Variants in PTPRN2 observed in about 807,000 individuals in gnomAD.
The protein encoded by PTPRN2 is receptor-type tyrosine-protein phosphatase N2.
Under a neutral mutation model 118.8 loss-of-function variants are expected in PTPRN2, and 74 were observed. The observed-to-expected ratio is 0.62, with a 90% CI of 0.52 to 0.76. The LOEUF (loss-of-function observed/expected upper bound fraction) is 0.76. Ranked by LOEUF, PTPRN2 falls within the 30% of genes least tolerant of loss-of-function variation. The pLI, the probability that PTPRN2 is intolerant of heterozygous loss-of-function variation, is 0.00. For synonymous variants in PTPRN2, 641 were observed against 608.0 expected (o/e 1.05, Z -0.80); for missense variants, 1,481 against 1,394.4 (o/e 1.06, Z -0.99).
At chr7:158,033,880 T>G (rs1807886905) in intron 11 of PTPRN2, among the ~76,000 whole-genome samples, 1 of 141,910 alleles carries the variant, frequency 7.0e-6, no homozygotes, top group Non-Finnish European at 1.5e-5. Flanking sequence ...TCTGTGTGGC[T>G]GCACACTGAG....
intron 11 of PTPRN2, among the ~76,000 whole-genome samples, chr7:157,995,344 C>T (rs116501053): frequency 4.1e-4 from 61 of 149,364 alleles, no homozygotes; most frequent in African/African-American, 1.4e-3. Context: ...CCCCAGCTTA[C>T]AGCTCCTTGT....
intron 11 of PTPRN2, among the ~76,000 whole-genome samples, chr7:158,040,186 A>G (rs1808350902): frequency 6.6e-6 from 1 of 152,206 alleles, no homozygotes; most frequent in African/African-American, 2.4e-5. Context: ...AGAAAAGGGA[A>G]CAGAAGAAAT....
chr7:158,434,800 T>C (rs997204988), intron 2 of PTPRN2, among the ~76,000 whole-genome samples: 2 of 152,208 alleles, frequency 1.3e-5, no homozygotes, highest in Non-Finnish European at 2.9e-5. Flanking sequence ...TTAGCTATTC[T>C]TTTTGTGGCT....
chr7:157,748,372 CT>C (rs1342755879), intron 12 of PTPRN2, among the ~76,000 whole-genome samples: 1 of 139,120 alleles, frequency 7.2e-6, no homozygotes, highest in Non-Finnish European at 1.5e-5. Flanking sequence ...GAGCTGTGAG[CT>C]GCCTGGGTGA....
chr7:158,179,357 T>C (rs1824499158), intron 5 of PTPRN2, among the ~76,000 whole-genome samples: 1 of 152,228 alleles, frequency 6.6e-6, no homozygotes, highest in Non-Finnish European at 1.5e-5. Context: ...GGGATTTTTT[T>C]TTCTTGCTAA....
At chr7:158,292,251 T>A (rs1586148659) in intron 3 of PTPRN2, among the ~76,000 whole-genome samples, 1 of 152,326 alleles carries the variant, frequency 6.6e-6, no homozygotes, top group Non-Finnish European at 1.5e-5. Flanking sequence ...TTGTCTGAAA[T>A]GAAGCTTCTA....
chr7:158,138,474 G>A lies in PTPRN2; in HGVS notation c.952C>T (p.Pro318Ser), dbSNP rs1819053782. The A allele has an allele frequency of 3.1e-6, 5 of 1,612,920 alleles. No homozygotes were observed. The highest frequency in any genetic ancestry group is 2.2e-5 in the South Asian group (2 of 91,090). Residue 318 changes from proline (P) to serine (S), a missense_variant, in exon 7 of 23, where the codon CCG (proline) becomes TCG (serine). Pro to Ser is a moderately conservative substitution (Grantham distance 74). Around this residue, in one of 3 missense-constraint regions of PTPRN2, gnomAD observed 1,115 missense variants for 994.2 expected, o/e 1.12. Transcript: ENST00000389418. ...CCACTCAGGCCCCTCACCTCAGCCG[G>A]CTGCCTCTGCAGGTCCTTCAGGAGG... ...HTLLKDLQRQ[P>S]AEVRGLSGLE...
intron 12 of PTPRN2, among the ~76,000 whole-genome samples, chr7:157,750,762 G>C (rs117481898): frequency 3.1e-3 from 466 of 152,334 alleles, no homozygotes; most frequent in Non-Finnish European, 5.4e-3. Context: ...TAAATGTACC[G>C]CAGCGTTCAG....
chr7:158,523,733 A>T (rs1472916021), intron 1 of PTPRN2, among the ~76,000 whole-genome samples: 3 of 98,170 alleles, frequency 3.1e-5, no homozygotes, highest in Admixed American at 1.2e-4. Context: ...TCTGCCCTGG[A>T]GTGGAGTCGT....
At chr7:157,651,668 A>C (rs982314198) in intron 14 of PTPRN2, among the ~76,000 whole-genome samples, 10 of 152,226 alleles carry the variant, frequency 6.6e-5, no homozygotes, top group Non-Finnish European at 1.3e-4. Context: ...AGATCTTGAA[A>C]AAACTCGATG....
chr7:158,474,728 G>A (rs1292898310), intron 2 of PTPRN2, among the ~76,000 whole-genome samples: 2 of 152,092 alleles, frequency 1.3e-5, no homozygotes, highest in African/African-American at 2.4e-5. Context: ...CATCTGAGAG[G>A]GACCCTCTTC....
At chr7:158,067,100 G>C (rs537927493) in intron 11 of PTPRN2, among the ~76,000 whole-genome samples, 3 of 152,328 alleles carry the variant, frequency 2.0e-5, no homozygotes, top group Admixed American at 2.0e-4. Flanking sequence ...TGTAGTTACT[G>C]TTCAGGTTAC....
chr7:157,664,679 AG>A (rs1430044339), intron 13 of PTPRN2, among the ~76,000 whole-genome samples: 1 of 152,166 alleles, frequency 6.6e-6, no homozygotes, highest in East Asian at 1.9e-4. Context: ...GGATCACTTG[AG>A]CCCAGGAGGA....
intron 2 of PTPRN2, among the ~76,000 whole-genome samples, chr7:158,436,083 CA>C (rs1170266696): frequency 6.6e-6 from 1 of 152,040 alleles, no homozygotes; most frequent in Non-Finnish European, 1.5e-5. Flanking sequence ...GTTCTTTCCA[CA>C]AAAAAGGACA....
At chr7:158,422,874 A>G (rs1815375083) in intron 2 of PTPRN2, among the ~76,000 whole-genome samples, 2 of 152,256 alleles carry the variant, frequency 1.3e-5, no homozygotes, top group South Asian at 4.1e-4. Flanking sequence ...CAAGCTTACA[A>G]GTAGTTGGTG....
chr7:158,402,524 C>A lies in PTPRN2; in HGVS notation c.164-85592G>T, dbSNP rs527511806. Among the ~76,000 whole-genome samples, 7 of 152,328 alleles carry A rather than the reference C, an allele frequency of 4.6e-5. No individual in the cohort carries two copies. The South Asian group carries it at 1.5e-3, about 32-fold the overall frequency. On this transcript the variant is annotated intron_variant, in intron 2 of 22. Coordinates refer to ENST00000389418, the MANE Select transcript of PTPRN2 (RefSeq NM_002847.5). ...TCCATGGAGACAAGACTCTGCTGTG[C>A]ACACTGCTGAGACTCCAATATCCCA...
chr7:157,800,949 T>C (rs1040129189), intron 12 of PTPRN2, among the ~76,000 whole-genome samples: 35 of 150,410 alleles, frequency 2.3e-4, no homozygotes, highest in Non-Finnish European at 4.3e-4. Context: ...GAGACTCCGT[T>C]TCAAAAAAAA....
chr7:157,586,956 T>G (rs1241007244), intron 17 of PTPRN2, among the ~76,000 whole-genome samples: 1 of 152,196 alleles, frequency 6.6e-6, no homozygotes, highest in Non-Finnish European at 1.5e-5. Context: ...CAGGGTCATC[T>G]CTGGATGCTC....
intron 1 of PTPRN2, among the ~76,000 whole-genome samples, chr7:158,523,816 G>C (rs544522412): frequency 5.9e-5 from 3 of 50,938 alleles, no homozygotes; most frequent in Non-Finnish European, 7.5e-5. Flanking sequence ...CTGGAGTGGA[G>C]TCTGCCCTGG....
Sources: gnomAD v4.1 joint callset for allele counts (sites outside exome capture counted in the v4.1 genomes callset) on GRCh38, gnomAD v4.1.1 for gene constraint, gnomAD v4.1.1 regional missense constraint, MANE v1.5 for transcripts, NCBI Gene and HGNC (gene_info 2026-07-23, HGNC 2026-07-21) for gene names.